APOBEC3A: variants seen among roughly 807,000 people sequenced by gnomAD.
The protein encoded by APOBEC3A is DNA dC->dU-editing enzyme APOBEC-3A.
In APOBEC3A, 13 loss-of-function variants were observed where a neutral mutation model predicts 23.0. The ratio of observed to expected loss-of-function variants is 0.57; its 90% CI spans 0.37 to 0.90. APOBEC3A has a LOEUF of 0.90. Ranked by LOEUF, APOBEC3A falls within the 40% of genes least tolerant of loss-of-function variation. The pLI is 0.01. For missense variants in APOBEC3A, 179 were observed against 264.9 expected (o/e 0.68, Z 2.25); for synonymous variants, 74 against 101.3 (o/e 0.73, Z 1.62).
In APOBEC3A at chr22:38,959,579, A is replaced by C. The variant is rs767639299; in HGVS notation, c.67A>C (p.Asn23His). 5.6e-6 allele frequency: 9 copies of C among 1,614,068 alleles called. No individual in the cohort carries two copies. ...MDPHIFTSNF[N>H]NGIGRHKTYL... ...TCCACACATATTCACTTCCAACTTTAACAATGGCATTGGAAGGCATAAGAC... is the reference window on the plus strand; with the variant it reads ...TCCACACATATTCACTTCCAACTTTCACAATGGCATTGGAAGGCATAAGAC... Residue 23 changes from asparagine (N) to histidine (H), a missense_variant, in exon 2 of 5, where the codon AAC becomes CAC. Coordinates refer to ENST00000249116, the MANE Select transcript of APOBEC3A (RefSeq NM_145699.4).
chr22:38,959,831 T>A, intron 2 of APOBEC3A, 145 bp downstream of exon 2: 1 of 1,212,810 alleles, frequency 8.2e-7, no homozygotes, highest in East Asian at 2.6e-5. Flanking sequence ...GCCCTGGGGT[T>A]GGGGGGAGAC....
At chr22:38,958,769 C>CTCTTTCTTTCTTTCTT (rs55894125) in intron 1 of APOBEC3A, among the ~76,000 whole-genome samples, 1 of 109,408 alleles carries the variant, frequency 9.1e-6, no homozygotes, top group Non-Finnish European at 1.8e-5. Context: ...ATCTCTCTTT[C>CTCTTTCTTTCTTTCTT]TCTTTCTTTC....
In APOBEC3A at chr22:38,959,623, G is replaced by A; in HGVS notation, c.111G>A (p.Val37=). The A allele has an allele frequency of 6.2e-7, 1 of 1,614,138 alleles. No homozygotes were observed. The highest frequency in any genetic ancestry group is 8.5e-7 in the Non-Finnish European group (1 of 1,180,012). ...ATAAGACCTACCTGTGCTACGAAGT[G>A]GAGCGCCTGGACAATGGCACCTCGG... ...GRHKTYLCYE[V]ERLDNGTSVK... is the part of the protein sequence containing the mutation. Residue 37 remains valine (V), a synonymous_variant, in exon 2 of 5, where the codon GTG becomes GTA. Transcript: ENST00000249116.
chr22:38,958,018 C>T (rs571063068), intron 1 of APOBEC3A, among the ~76,000 whole-genome samples: 2 of 152,210 alleles, frequency 1.3e-5, no homozygotes, highest in East Asian at 1.9e-4. Context: ...GGGGATTCTC[C>T]TCACTTGTCT....
intron 1 of APOBEC3A, among the ~76,000 whole-genome samples, chr22:38,957,931 C>T (rs547859607): frequency 5.3e-5 from 8 of 152,258 alleles, no homozygotes; most frequent in East Asian, 1.9e-4. Context: ...TTCCACCTCC[C>T]GGGGCAGGTG....
At chr22:38,958,534 A>T (rs1303367097) in intron 1 of APOBEC3A, among the ~76,000 whole-genome samples, 466 of 74,620 alleles carry the variant, frequency 6.2e-3, no homozygotes, top group Middle Eastern at 9.6e-3. Context: ...TCTTTCTTTT[A>T]CTTCCTTCCT....
chr22:38,962,853 G>T lies in APOBEC3A; in HGVS notation c.*344G>T. 2.4e-6 allele frequency: 1 copy of T among 411,304 alleles called. No homozygotes were observed. The highest frequency in any genetic ancestry group is 4.3e-6 in the Non-Finnish European group (1 of 234,338). The allele number at this position is 411,304 out of a possible 1,614,324, so 25.5% of individuals were successfully genotyped here. A position where few individuals can be genotyped will look rare whatever the true frequency, so the allele number is the denominator to read the frequency against. ...GGCGCCTGTAGTCCCAGCTACTCTG[G>T]AGGCTGAGGCAGGAGAGTAGCGTGA... On this transcript the variant is annotated 3_prime_UTR_variant, in exon 5 of 5. Coordinates refer to ENST00000249116, the MANE Select transcript of APOBEC3A (RefSeq NM_145699.4).
In APOBEC3A at chr22:38,959,611, G is replaced by A; in HGVS notation, c.99G>A (p.Leu33=). 6.2e-7 allele frequency: 1 copy of A among 1,614,110 alleles called. No homozygotes were observed. The stretch of plus-strand genomic sequence containing the variant: ...GCATTGGAAGGCATAAGACCTACCT[G>A]TGCTACGAAGTGGAGCGCCTGGACA... ...NNGIGRHKTY[L]CYEVERLDNG... is the part of the protein sequence containing the mutation. Residue 33 remains leucine, a synonymous_variant, in exon 2 of 5, where the codon CTG becomes CTA. Transcript: ENST00000249116.
rs1922772255 is a variant in APOBEC3A, at chr22:38,959,537, C to T, written c.30-5C>T. 1.2e-6 allele frequency: 2 copies of T among 1,613,050 alleles called. No homozygotes were observed. Among genetic ancestry groups the T allele is most frequent in the South Asian group, 1.1e-5 (1 of 91,040 alleles). ...TCCTCTGGTCTTTTCCCTGGCTGTC[C>T]ACAGACACTTGATGGATCCACACAT... is the stretch of plus-strand genomic sequence containing the variant. On this transcript the variant is annotated splice_region_variant and splice_polypyrimidine_tract_variant and intron_variant, in intron 1 of 4. Transcript: ENST00000249116.
intron 1 of APOBEC3A, among the ~76,000 whole-genome samples, chr22:38,958,195 G>C (rs1056478236): frequency 6.6e-6 from 1 of 152,188 alleles, no homozygotes; most frequent in Admixed American, 6.5e-5. Context: ...TGAGAACACA[G>C]AGCAAGTGAG....
chr22:38,962,263 C>G lies in APOBEC3A; in HGVS notation c.585+50C>G, dbSNP rs771161672. On this transcript the variant is annotated intron_variant, in intron 4 of 4. Coordinates refer to ENST00000249116, the MANE Select transcript of APOBEC3A (RefSeq NM_145699.4). ...GTGCCCCATCGGCCTCCCCCTCCTC[C>G]CCACTCCCCTGGGCCTTGCCTTCCC... The G allele has an allele frequency of 2.5e-6, 4 of 1,613,202 alleles. No individual in the cohort carries two copies. In the African/African-American group the frequency reaches 4.0e-5, roughly 16 times the overall value.
chr22:38,962,686 G>A lies in APOBEC3A; in HGVS notation c.*177G>A, dbSNP rs989312164. 9.5e-5 allele frequency: 140 copies of A among 1,467,650 alleles called. 14 individuals are homozygous for A. In the Middle Eastern group the frequency reaches 1.3e-3, roughly 13 times the overall value. The allele number at this position is 1,467,650 out of a possible 1,614,324, so 90.9% of individuals were successfully genotyped here. On this transcript the variant is annotated 3_prime_UTR_variant, in exon 5 of 5. Transcript: ENST00000249116. ...TTTAAAAAATCAGAGTGGGCCGGGCGCGGTGGCTCACGCCTGTAATCCCAG... is the reference window on the plus strand; with the variant it reads ...TTTAAAAAATCAGAGTGGGCCGGGCACGGTGGCTCACGCCTGTAATCCCAG...
Position 38,959,579 on chromosome 22 carries a change from A to G in APOBEC3A, c.67A>G (p.Asn23Asp). Residue 23 changes from asparagine to aspartate, a missense_variant, in exon 2 of 5, where the codon AAC (asparagine) becomes GAC (aspartate). By Grantham distance (23) the Asn-to-Asp change is conservative (BLOSUM62 1). Around this residue, in one of 5 missense-constraint regions of APOBEC3A, gnomAD observed 87 missense variants for 74.5 expected, o/e 1.17. Coordinates refer to ENST00000249116, the MANE Select transcript of APOBEC3A (RefSeq NM_145699.4). ...TCCACACATATTCACTTCCAACTTT[A>G]ACAATGGCATTGGAAGGCATAAGAC... ...MDPHIFTSNFNNGIGRHKTYL... is the reference protein window; with the variant it reads ...MDPHIFTSNFDNGIGRHKTYL... 6.2e-7 allele frequency: 1 copy of G among 1,614,068 alleles called. No individual in the cohort carries two copies. Among genetic ancestry groups the G allele is most frequent in the Non-Finnish European group, 8.5e-7 (1 of 1,179,966 alleles).
intron 1 of APOBEC3A, among the ~76,000 whole-genome samples, chr22:38,958,334 CTTCT>C (rs139583460): frequency 0.011 from 1,621 of 147,988 alleles, 42 homozygotes; most frequent in African/African-American, 0.037. Context: ...CTCTTTCTTT[CTTCT>C]TTCTTTCTCT....
chr22:38,962,257 C>G (rs372061663), intron 4 of APOBEC3A, 44 bp downstream of exon 4: 4 of 1,613,344 alleles, frequency 2.5e-6, no homozygotes, highest in South Asian at 2.2e-5. Context: ...CGGCCTCCCC[C>G]TCCTCCCCAC....
chr22:38,958,434 C>T (rs1922678539), intron 1 of APOBEC3A, among the ~76,000 whole-genome samples: 1 of 148,324 alleles, frequency 6.7e-6, no homozygotes, highest in African/African-American at 2.5e-5. Flanking sequence ...TTCCTTTCTT[C>T]CAATATTTCC....
chr22:38,959,643 C>T lies in APOBEC3A; in HGVS notation c.131C>T (p.Thr44Ile). Reference protein sequence around the residue: ...CYEVERLDNGTSVKMDQHRGF... With the variant: ...CYEVERLDNGISVKMDQHRGF... ...GAAGTGGAGCGCCTGGACAATGGCA[C>T]CTCGGTCAAGATGGACCAGCACAGG... Residue 44 changes from threonine to isoleucine, a missense_variant, in exon 2 of 5, where the codon ACC becomes ATC. By Grantham distance (89) the Thr-to-Ile change is moderately conservative (BLOSUM62 -1). Transcript: ENST00000249116. The T allele has an allele frequency of 2.5e-6, 4 of 1,614,086 alleles. No homozygotes were observed. Among genetic ancestry groups the T allele is most frequent in the Non-Finnish European group, 3.4e-6 (4 of 1,180,000 alleles).
chr22:38,962,168 T>G lies in APOBEC3A; in HGVS notation c.540T>G (p.Asp180Glu), dbSNP rs61743667. Residue 180 changes from aspartate (D) to glutamate (E), a missense_variant, in exon 4 of 5, where the codon GAT (aspartate) becomes GAG (glutamate). By Grantham distance (45) the Asp-to-Glu change is conservative. This residue lies in a region of APOBEC3A where 37 missense variants were observed against 43.1 expected (regional missense o/e 0.86). Transcript: ENST00000249116. Reference sequence around the variant, plus strand: ...CCTTCCAGCCCTGGGATGGACTAGATGAGCACAGCCAAGCCCTGAGTGGGA... The same window carrying G: ...CCTTCCAGCCCTGGGATGGACTAGAGGAGCACAGCCAAGCCCTGAGTGGGA... ...GCPFQPWDGL[D>E]EHSQALSGRL... 532 of 1,610,944 alleles carry G rather than the reference T, an allele frequency of 3.3e-4. 1 individual carries two copies. Among genetic ancestry groups the G allele is most frequent in the African/African-American group, 1.8e-3 (132 of 74,506 alleles).
At chr22:38,960,824 C>A (rs1260564970) in intron 2 of APOBEC3A, among the ~76,000 whole-genome samples, 2 of 151,948 alleles carry the variant, frequency 1.3e-5, no homozygotes, top group African/African-American at 4.8e-5. Context: ...GTCAATCTCC[C>A]CTTGAAGGAA....
Sources: allele counts gnomAD v4.1 joint callset (sites outside exome capture counted in the v4.1 genomes callset), GRCh38; gene constraint gnomAD v4.1.1; regional missense constraint gnomAD v4.1.1; transcripts MANE v1.5; gene names NCBI Gene and HGNC (gene_info 2026-07-23, HGNC 2026-07-21).